Variants in BMS1 observed in about 807,000 individuals in gnomAD.
BMS1 encodes ribosome biogenesis protein BMS1 homolog.
Under a neutral mutation model 138.7 loss-of-function variants are expected in BMS1, and 53 were observed. The ratio of observed to expected loss-of-function variants is 0.38; its 90% CI spans 0.31 to 0.48. BMS1 has a LOEUF of 0.48. Among genes scored for constraint, BMS1 ranks in the 20% least tolerant of loss-of-function variants. BMS1 has a pLI of 0.97. For synonymous variants in BMS1, 504 were observed against 539.9 expected, an observed-to-expected ratio of 0.93 and a Z score of 0.92; for missense variants, 1,360 against 1,565.5, an observed-to-expected ratio of 0.87 and a Z score of 2.22.
chr10:42,817,959 T>C (rs1436007828), intron 15 of BMS1, among the ~76,000 whole-genome samples: 1 of 152,056 alleles, frequency 6.6e-6, no homozygotes, highest in Non-Finnish European at 1.5e-5. Context: ...CAGAAGGACA[T>C]GTGGAGTATA....
Position 42,796,965 on chromosome 10 carries a change from T to TC in BMS1, c.1725dup (p.Thr576HisfsTer10). 6.2e-7 allele frequency: 1 copy of TC among 1,614,154 alleles called. No homozygotes were observed. The highest frequency in any genetic ancestry group is 8.5e-7 in the Non-Finnish European group (1 of 1,180,032). ...TCTTTGCTGATGAAGAAAGCAGCTC[T>TC]CCCCACTTTCGATTCTGGGCATTGC... On this transcript the variant is annotated frameshift_variant, in exon 10 of 23. Transcript: ENST00000374518. LOFTEE classifies it high-confidence loss of function.
chr10:42,787,290 A>C (rs1310468391), intron 4 of BMS1, 43 bp downstream of exon 4: 8 of 850,930 alleles, frequency 9.4e-6, no homozygotes, highest in Non-Finnish European at 1.6e-5. Flanking sequence ...GGAGACTTAC[A>C]GCATTGTGAT....
At position 42,831,019 on chromosome 10, in the gene BMS1, C is replaced by A. The variant is rs556566330; in HGVS notation, c.3772C>A (p.Leu1258Ile). 1.3e-6 allele frequency: 2 copies of A among 1,598,322 alleles called. No homozygotes were observed. The highest frequency in any genetic ancestry group is 1.3e-5 in the African/African-American group (1 of 74,792). ...GCGGCAGAAGGACCTCAGGAAGAAG[C>A]TCTTCAGAATTCAGGGGCAGAAGGA... ...LKRQKDLRKKLFRIQGQKERR... is the reference protein window; with the variant it reads ...LKRQKDLRKKIFRIQGQKERR... Residue 1258 changes from leucine to isoleucine, a missense_variant, in exon 23 of 23, where the codon CTC (leucine) becomes ATC (isoleucine). This residue lies in a region of BMS1 where 425 missense variants were observed against 568.3 expected (regional missense o/e 0.75). Transcript: ENST00000374518.
chr10:42,820,404 G>A lies in BMS1; in HGVS notation c.2749G>A (p.Gly917Arg), dbSNP rs745516300. Residue 917 changes from glycine (G) to arginine (R), a missense_variant, in exon 16 of 23, where the codon GGA becomes AGA. Coordinates refer to ENST00000374518, the MANE Select transcript of BMS1 (RefSeq NM_014753.4). ...CCTGGGTGGCTTGGGCAACAGTGAG[G>A]GAAATGTTGGCTACGTGCAGGTGGG... ...IILGGLGNSEGNVGYVQMRLK... is the reference protein window; with the variant it reads ...IILGGLGNSERNVGYVQMRLK... 15 of 1,613,736 alleles carry A rather than the reference G, an allele frequency of 9.3e-6. No individual in the cohort carries two copies. The highest frequency in any genetic ancestry group is 1.3e-5 in the Non-Finnish European group (15 of 1,179,826).
At chr10:42,819,242 C>T (rs150354638) in intron 15 of BMS1, among the ~76,000 whole-genome samples, 4,451 of 152,194 alleles carry the variant, frequency 0.029, 205 homozygotes, top group African/African-American at 0.1. Flanking sequence ...TGATGTGTGG[C>T]CCTGAGTAGA....
intron 13 of BMS1, among the ~76,000 whole-genome samples, chr10:42,803,577 C>G (rs1393178990): frequency 6.6e-6 from 1 of 152,024 alleles, no homozygotes; most frequent in Non-Finnish European, 1.5e-5. Flanking sequence ...TACTAAGATA[C>G]CAGTTATTAA....
chr10:42,799,637 TA>T (rs1841808227), intron 12 of BMS1, among the ~76,000 whole-genome samples: 1 of 152,178 alleles, frequency 6.6e-6, no homozygotes, highest in Middle Eastern at 3.2e-3. Context: ...TTGTTCAGCC[TA>T]ATGGGTTGCC....
In BMS1 at chr10:42,832,816, C is replaced by G. The variant is rs930949492; in HGVS notation, c.*1720C>G. On this transcript the variant is annotated 3_prime_UTR_variant, in exon 23 of 23. Coordinates refer to ENST00000374518, the MANE Select transcript of BMS1 (RefSeq NM_014753.4). ...CAAGAGCTATTATGAATTTCATCAT[C>G]CATTATGCTGATAGGCCTGGGGACT... The G allele has an allele frequency of 2.0e-5, 3 of 152,178 alleles. No individual in the cohort carries two copies. Among genetic ancestry groups the G allele is most frequent in the African/African-American group, 7.2e-5 (3 of 41,434 alleles). The allele number at this position is 152,178 out of a possible 1,614,324, so 9.4% of individuals were successfully genotyped here. A position where few individuals can be genotyped will look rare whatever the true frequency, so the allele number is the denominator to read the frequency against.
At chr10:42,826,263 G>A (rs1179621951) in intron 21 of BMS1, among the ~76,000 whole-genome samples, 1 of 151,806 alleles carries the variant, frequency 6.6e-6, no homozygotes, top group Non-Finnish European at 1.5e-5. Context: ...GTGTGTGTGT[G>A]TGTGTGTGTG....
Position 42,823,720 on chromosome 10 carries a change from C to G in BMS1, c.3392C>G (p.Thr1131Ser), listed in dbSNP as rs1405895776. ...GEKDTWSGMRTTGQLRLAHGV... is the reference protein window; with the variant it reads ...GEKDTWSGMRSTGQLRLAHGV... Reference sequence around the variant, plus strand: ...AAAGACACCTGGTCAGGAATGCGGACCACGGGCCAACTCAGGCTCGCCCAT... The same window carrying G: ...AAAGACACCTGGTCAGGAATGCGGAGCACGGGCCAACTCAGGCTCGCCCAT... Residue 1131 changes from threonine (T) to serine (S), a missense_variant, in exon 21 of 23, where the codon ACC becomes AGC. Coordinates refer to ENST00000374518, the MANE Select transcript of BMS1 (RefSeq NM_014753.4). 1 of 1,595,904 alleles carries G rather than the reference C, an allele frequency of 6.3e-7. No homozygotes were observed. Among genetic ancestry groups the G allele is most frequent in the Admixed American group, 1.7e-5 (1 of 59,962 alleles).
intron 2 of BMS1, 133 bp from the exon 3 acceptor site, chr10:42,785,348 AC>A: frequency 1.6e-6 from 1 of 640,206 alleles, no homozygotes; most frequent in Admixed American, 3.1e-5. Flanking sequence ...TGTCTGTTGT[AC>A]TCTCTATAAA....
At chr10:42,819,629 T>G (rs1842445395) in intron 15 of BMS1, among the ~76,000 whole-genome samples, 1 of 152,024 alleles carries the variant, frequency 6.6e-6, no homozygotes, top group African/African-American at 2.4e-5. Context: ...AAAGAATTGT[T>G]CAGAAAGGAA....
rs375354038 is a variant in BMS1 at position 42,802,131 on chromosome 10, C to T, written c.2248-6C>T. The T allele has an allele frequency of 3.1e-5, 50 of 1,591,636 alleles. No homozygotes were observed. In the African/African-American group the frequency reaches 5.1e-4, roughly 16 times the overall value. On this transcript the variant is annotated splice_polypyrimidine_tract_variant and splice_region_variant and intron_variant, in intron 12 of 22. Coordinates refer to ENST00000374518, the MANE Select transcript of BMS1 (RefSeq NM_014753.4). ...CCTCACCTAAGTGCTGACTTTTCTG[C>T]GTAAGGTTATGAACAGTATCAGAGA...
At chr10:42,798,438 C>A (rs1319629597) in intron 11 of BMS1, 30 bp from the exon 12 acceptor site, 1 of 1,613,294 alleles carries the variant, frequency 6.2e-7, no homozygotes, top group Non-Finnish European at 8.5e-7. Context: ...AATTTTTGTT[C>A]TCACTTTTCT....
intron 4 of BMS1, among the ~76,000 whole-genome samples, chr10:42,787,595 G>T (rs1190607513): frequency 6.6e-6 from 1 of 152,066 alleles, no homozygotes; most frequent in Non-Finnish European, 1.5e-5. Context: ...ACTCTTCCTG[G>T]CACTGTGCTA....
Position 42,822,060 on chromosome 10 carries a change from A to G in BMS1, c.3010-2A>G. On this transcript the variant is annotated splice_acceptor_variant, in intron 18 of 22. Transcript: ENST00000374518. LOFTEE classifies it high-confidence loss of function. ...ATTTTCAAATTTTGGGGTTCCTGTTAGCCTGATTTTCGGATAGCTGCTACA... is the reference window on the plus strand; with the variant it reads ...ATTTTCAAATTTTGGGGTTCCTGTTGGCCTGATTTTCGGATAGCTGCTACA... 1 of 1,594,130 alleles carries G rather than the reference A, an allele frequency of 6.3e-7. No homozygotes were observed. Among genetic ancestry groups the G allele is most frequent in the Non-Finnish European group, 8.5e-7 (1 of 1,177,864 alleles).
chr10:42,811,816 G>A (rs988544204), intron 13 of BMS1, among the ~76,000 whole-genome samples: 1 of 151,970 alleles, frequency 6.6e-6, no homozygotes, highest in Admixed American at 6.6e-5. Flanking sequence ...GAGCCACCGC[G>A]CCCGGCCTCA....
intron 15 of BMS1, among the ~76,000 whole-genome samples, chr10:42,817,796 T>G (rs1842391273): frequency 6.6e-6 from 1 of 152,216 alleles, no homozygotes; most frequent in South Asian, 2.1e-4. Flanking sequence ...TGTAGTGATC[T>G]GAGACAGTGT....
intron 15 of BMS1, 87 bp downstream of exon 15, chr10:42,817,581 A>C: frequency 7.7e-7 from 1 of 1,306,252 alleles, no homozygotes; most frequent in Non-Finnish European, 1.0e-6. Flanking sequence ...CCTACGTCCT[A>C]TCCTGCTTCT....
Sources: allele counts gnomAD v4.1 joint callset (sites outside exome capture counted in the v4.1 genomes callset), GRCh38; gene constraint gnomAD v4.1.1; regional missense constraint gnomAD v4.1.1; transcripts MANE v1.5; gene names NCBI Gene and HGNC (gene_info 2026-07-23, HGNC 2026-07-21).